TLN1: variants seen among roughly 807,000 people sequenced by gnomAD.
The protein encoded by TLN1 is talin 1, also known as talin-1.
A neutral mutation model predicts 292.3 loss-of-function variants in TLN1; 56 were observed. That is an observed-to-expected ratio of 0.19 (90% CI 0.15 to 0.24). TLN1 has a LOEUF of 0.24. Ranked by LOEUF, TLN1 falls within the 10% of genes least tolerant of loss-of-function variation. TLN1 has a pLI of 1.00. For missense variants in TLN1, 2,433 were observed against 3,248.2 expected (o/e 0.75, Z 6.10); for synonymous variants, 1,119 against 1,253.7 (o/e 0.89, Z 2.27).
Position 35,717,011 on chromosome 9 carries a change from TG to T in TLN1, c.2458+134del. 1 of 952,514 alleles carries T rather than the reference TG, an allele frequency of 1.0e-6. No homozygotes were observed. The highest frequency in any genetic ancestry group is 1.5e-6 in the Non-Finnish European group (1 of 647,666). The allele number at this position is 952,514 out of a possible 1,614,324, so 59.0% of individuals were successfully genotyped here. A position where few individuals can be genotyped will look rare whatever the true frequency, so the allele number is the denominator to read the frequency against. ...TCAGAGAGCTTTAATGATGAGCCTA[TG>T]GTTGTGTGGCTGGCAAGCCCACACT... On this transcript the variant is annotated intron_variant, in intron 19 of 56. Coordinates refer to ENST00000314888, the MANE Select transcript of TLN1 (RefSeq NM_006289.4). The surrounding 1 kb of genome is among the most constrained non-coding windows in gnomAD (Gnocchi z 4.7).
In TLN1 at chr9:35,721,633, A is replaced by G. The variant is rs377033735; in HGVS notation, c.1104+15T>C. Reference sequence around the variant, plus strand: ...AACTCCCAAAGCACTTTCTTGTTATAGTCCCCAGACTTACCAGGGTGAAGC... The same window carrying G: ...AACTCCCAAAGCACTTTCTTGTTATGGTCCCCAGACTTACCAGGGTGAAGC... On this transcript the variant is annotated intron_variant, in intron 10 of 56. Transcript: ENST00000314888. The G allele has an allele frequency of 1.0e-5, 16 of 1,604,322 alleles. No individual in the cohort carries two copies. The Middle Eastern group carries it at 1.3e-3, about 134-fold the overall frequency.
At chr9:35,718,773 T>C (rs757209829) in intron 17 of TLN1, 39 bp downstream of exon 17, 4 of 1,574,792 alleles carry the variant, frequency 2.5e-6, no homozygotes, top group Admixed American at 3.4e-5. Flanking sequence ...AGTTACTTCC[T>C]AGATTCTGGG....
Position 35,724,121 on chromosome 9 carries a change from G to A in TLN1, c.655-42C>T, listed in dbSNP as rs768642176. On this transcript the variant is annotated intron_variant, in intron 6 of 56. Transcript: ENST00000314888. This position sits in a 1 kb window ranked among gnomAD's most constrained non-coding sequence, Gnocchi z 4.7. ...AAGGAGGCGAATGTTGTGTGTGGGT[G>A]CAAGGACACGCACACTGTGCTTCCG... 1 of 1,612,786 alleles carries A rather than the reference G, an allele frequency of 6.2e-7. No homozygotes were observed.
In TLN1 at chr9:35,725,598, G is replaced by T. The variant is rs765432963; in HGVS notation, c.97C>A (p.Arg33Ser). The T allele has an allele frequency of 3.4e-5, 55 of 1,613,742 alleles. No individual in the cohort carries two copies. Among genetic ancestry groups the T allele is most frequent in the Non-Finnish European group, 4.5e-5 (53 of 1,179,916 alleles). ...GCTGGGGCCTCTGGGATCCGCTCAC[G>T]AATGATGCGGCAGGCGTCGTACACC... Reference protein sequence around the residue: ...TMVYDACRIIRERIPEAPAGP... With the variant: ...TMVYDACRIISERIPEAPAGP... The change falls in exon 2 of 57, where the codon CGT becomes AGT. Residue 33 changes from arginine (R) to serine (S), a missense_variant. This residue lies in a region of TLN1 where 155 missense variants were observed against 287.9 expected (regional missense o/e 0.54). Coordinates refer to ENST00000314888, the MANE Select transcript of TLN1 (RefSeq NM_006289.4).
Position 35,712,866 on chromosome 9 carries a change from C to T in TLN1, c.3530G>A (p.Gly1177Glu). 6.3e-7 allele frequency: 1 copy of T among 1,592,100 alleles called. No individual in the cohort carries two copies. Among genetic ancestry groups the T allele is most frequent in the Non-Finnish European group, 8.6e-7 (1 of 1,168,326 alleles). ...EEAKKAAGHPGDPESQQRLAQ... is the reference protein window; with the variant it reads ...EEAKKAAGHPEDPESQQRLAQ... ...AAGCCGCTGCTGGCTCTCAGGGTCC[C>T]CTGGATGGCCAGCTGCCTTTTTCGC... Residue 1177 changes from glycine to glutamate, a missense_variant, in exon 27 of 57, where the codon GGG becomes GAG. This residue lies in a region of TLN1 where 1,384 missense variants were observed against 1,699.6 expected (regional missense o/e 0.81). Transcript: ENST00000314888.
intron 1 of TLN1, among the ~76,000 whole-genome samples, 183 bp downstream of exon 1, chr9:35,731,892 G>T (rs1002799588): frequency 6.6e-5 from 10 of 152,002 alleles, no homozygotes; most frequent in African/African-American, 2.2e-4. Flanking sequence ...CTGCTCCCAG[G>T]AAAGGCCTGT....
intron 46 of TLN1, 32 bp from the exon 47 acceptor site, chr9:35,703,932 G>A: frequency 6.2e-7 from 1 of 1,613,818 alleles, no homozygotes; most frequent in Non-Finnish European, 8.5e-7. Flanking sequence ...CTGGTCTATG[G>A]GAGGAAGAAG....
At chr9:35,710,047 TAA>T (rs780739132) in intron 33 of TLN1, among the ~76,000 whole-genome samples, 8 of 115,394 alleles carry the variant, frequency 6.9e-5, no homozygotes, top group Non-Finnish European at 1.1e-4. Context: ...CTGTCTTTAC[TAA>T]AAAAAAAAAA....
Position 35,705,986 on chromosome 9 carries a change from G to C in TLN1, c.5487C>G (p.Asp1829Glu), listed in dbSNP as rs1255487270. ...SAAGVVGGMV[D>E]SITQAINQLD... The stretch of plus-strand genomic sequence containing the variant: ...CCTGGTTGATGGCCTGGGTGATGGA[G>C]TCCACCATGCCACCCACGACCCCAG... Residue 1829 changes from aspartate (D) to glutamate (E), a missense_variant, in exon 41 of 57, where the codon GAC (aspartate) becomes GAG (glutamate). By Grantham distance (45) the Asp-to-Glu change is conservative. Around this residue, in one of 7 missense-constraint regions of TLN1, gnomAD observed 1,384 missense variants for 1,699.6 expected, o/e 0.81. Coordinates refer to ENST00000314888, the MANE Select transcript of TLN1 (RefSeq NM_006289.4). The C allele has an allele frequency of 1.2e-6, 2 of 1,614,094 alleles. No homozygotes were observed. Among genetic ancestry groups the C allele is most frequent in the Admixed American group, 1.7e-5 (1 of 60,006 alleles).
At chr9:35,709,627 G>A (rs1825624617) in intron 33 of TLN1, among the ~76,000 whole-genome samples, 1 of 152,060 alleles carries the variant, frequency 6.6e-6, no homozygotes, top group Admixed American at 6.6e-5. Context: ...GGTGGCTCAC[G>A]CCTGTAATCC....
At chr9:35,713,088 C>G (rs1825705611) in intron 26 of TLN1, 45 bp from the exon 27 acceptor site, 1 of 1,574,202 alleles carries the variant, frequency 6.4e-7, no homozygotes, top group African/African-American at 1.3e-5. Flanking sequence ...GCTTTCATTG[C>G]CAGGCCCTGA....
chr9:35,719,582 C>T lies in TLN1; in HGVS notation c.1624G>A (p.Glu542Lys). 1 of 1,614,234 alleles carries T rather than the reference C, an allele frequency of 6.2e-7. No homozygotes were observed. Among genetic ancestry groups the T allele is most frequent in the Non-Finnish European group, 8.5e-7 (1 of 1,180,050 alleles). ...ATGGCATCTACCTGAGAGTGGATCT[C>T]ATGCTTTGATTCATCCATCTTGTTT... ...RKNKMDESKHEIHSQVDAITA... is the reference protein window; with the variant it reads ...RKNKMDESKHKIHSQVDAITA... Residue 542 changes from glutamate (E) to lysine (K), a missense_variant, in exon 15 of 57, where the codon GAG becomes AAG. This residue lies in a region of TLN1 where 617 missense variants were observed against 770.6 expected (regional missense o/e 0.80). Coordinates refer to ENST00000314888, the MANE Select transcript of TLN1 (RefSeq NM_006289.4). The surrounding 1 kb of genome is among the most constrained non-coding windows in gnomAD (Gnocchi z 4.6).
rs1238697892 is a variant in TLN1 at position 35,724,798 on chromosome 9, C to T, written c.358+32G>A. ...TTTTGAGAGAGTTGAGGCTTTCTGG[C>T]CCAGGCTTTCAACTGTACTAGGGCC... On this transcript the variant is annotated intron_variant, in intron 4 of 56. Transcript: ENST00000314888. The surrounding 1 kb of genome is among the most constrained non-coding windows in gnomAD (Gnocchi z 4.7). The T allele has an allele frequency of 9.3e-6, 15 of 1,613,612 alleles. No individual in the cohort carries two copies. Among genetic ancestry groups the T allele is most frequent in the Non-Finnish European group, 1.2e-5 (14 of 1,179,716 alleles).
chr9:35,706,433 T>C lies in TLN1; in HGVS notation c.5190+17A>G. ...TCACCCTACTCCCTGGGACTTCCCA[T>C]GAGTCTCCATAGGTACCTTGTGTCC... On this transcript the variant is annotated intron_variant, in intron 39 of 56. Transcript: ENST00000314888. This position sits in a 1 kb window ranked among gnomAD's most constrained non-coding sequence, Gnocchi z 4.2. 6.2e-7 allele frequency: 1 copy of C among 1,614,056 alleles called. No homozygotes were observed. The highest frequency in any genetic ancestry group is 1.1e-5 in the South Asian group (1 of 91,084).
chr9:35,716,459 G>A lies in TLN1; in HGVS notation c.2556C>T (p.Asn852=). ...ADAEGESDLE[N]SRKLLSAAKI... Reference sequence around the variant, plus strand: ...TGGCAGCACTTAAGAGCTTGCGGGAGTTCTCCAGATCACTTTCCCCCTCAG... The same window carrying A: ...TGGCAGCACTTAAGAGCTTGCGGGAATTCTCCAGATCACTTTCCCCCTCAG... Residue 852 remains asparagine (N), a synonymous_variant, in exon 20 of 57, where the codon AAC becomes AAT. Transcript: ENST00000314888. 2 of 1,614,234 alleles carry A rather than the reference G, an allele frequency of 1.2e-6. No homozygotes were observed. Among genetic ancestry groups the A allele is most frequent in the East Asian group, 2.2e-5 (1 of 44,890 alleles).
At chr9:35,718,572 C>T (rs1262458177) in intron 17 of TLN1, among the ~76,000 whole-genome samples, 1 of 152,028 alleles carries the variant, frequency 6.6e-6, no homozygotes, top group Non-Finnish European at 1.5e-5. Context: ...GAAAAGATGA[C>T]AAGGGGCTAA....
rs1211103626 is a variant in TLN1, at chr9:35,711,524, C to A, written c.3879+71G>T. ...GAAGGGAGCCAGGAGCAAGTCAGGA[C>A]TGGTCACTCAACTGCCTCCTATCTA... On this transcript the variant is annotated intron_variant, in intron 29 of 56. Transcript: ENST00000314888. 23 of 1,609,080 alleles carry A rather than the reference C, an allele frequency of 1.4e-5. 1 individual carries two copies. Among genetic ancestry groups the A allele is most frequent in the Non-Finnish European group, 8.5e-7 (1 of 1,176,918 alleles).
rs1226919078 is a variant in TLN1 at position 35,707,437 on chromosome 9, T to C, written c.4684A>G (p.Thr1562Ala). 1.1e-5 allele frequency: 17 copies of C among 1,614,156 alleles called. No individual in the cohort carries two copies. Among genetic ancestry groups the C allele is most frequent in the Non-Finnish European group, 1.4e-5 (16 of 1,180,030 alleles). The change falls in exon 36 of 57, where the codon ACA (threonine) becomes GCA (alanine). Residue 1562 changes from threonine to alanine, a missense_variant. Physicochemically the swap from Thr to Ala is moderately conservative, Grantham distance 58. Coordinates refer to ENST00000314888, the MANE Select transcript of TLN1 (RefSeq NM_006289.4). This position sits in a 1 kb window ranked among gnomAD's most constrained non-coding sequence, Gnocchi z 5.6. ...EENRAQCRAA[T>A]APLLEAVDNL... Reference sequence around the variant, plus strand: ...TCCACAGCCTCCAGCAGAGGGGCTGTTGCTGCTCGGCACTGGGCACGGTTC... The same window carrying C: ...TCCACAGCCTCCAGCAGAGGGGCTGCTGCTGCTCGGCACTGGGCACGGTTC...
At position 35,719,917 on chromosome 9, in the gene TLN1, A is replaced by C; in HGVS notation, c.1465-64T>G. 1 of 1,574,502 alleles carries C rather than the reference A, an allele frequency of 6.4e-7. No individual in the cohort carries two copies. On this transcript the variant is annotated intron_variant, in intron 13 of 56. Coordinates refer to ENST00000314888, the MANE Select transcript of TLN1 (RefSeq NM_006289.4). This position sits in a 1 kb window ranked among gnomAD's most constrained non-coding sequence, Gnocchi z 4.6. ...GTTTGGAGAAAAGAGAAGGTAAAAG[A>C]GAACCAGGGTCTAGGGAGAGAATAC...
Sources: allele counts gnomAD v4.1 joint callset (sites outside exome capture counted in the v4.1 genomes callset), GRCh38; gene constraint gnomAD v4.1.1; regional missense constraint gnomAD v4.1.1; non-coding constraint Gnocchi (gnomAD v3.1); transcripts MANE v1.5; gene names NCBI Gene and HGNC (gene_info 2026-07-23, HGNC 2026-07-21).